Variants in CES1 observed in about 807,000 individuals in gnomAD.
CES1 encodes carboxylesterase 1.
Under a neutral mutation model 53.0 loss-of-function variants are expected in CES1, and 50 were observed. The ratio of observed to expected loss-of-function variants is 0.94; its 90% confidence interval spans 0.75 to 1.19. The LOEUF (loss-of-function observed/expected upper bound fraction) is 1.19. Ranked by LOEUF, CES1 falls within the 50% of genes most tolerant of loss-of-function variation. The pLI is 0.00. For synonymous variants in CES1, 202 were observed against 210.1 expected, an observed-to-expected ratio of 0.96 and a Z score of 0.33; for missense variants, 534 against 538.0, an observed-to-expected ratio of 0.99 and a Z score of 0.07.
chr16:55,821,455 G>C lies in CES1; in HGVS notation c.606C>G (p.Val202=). The change falls in exon 5 of 14, where the codon GTC becomes GTG. Residue 202 remains valine, a synonymous_variant. Transcript: ENST00000360526. ...HLDQVAALRW[V]QDNIASFGGN... is the part of the protein sequence containing the mutation. ...CTCCAAAGCTGGCAATGTTGTCCTG[G>C]ACCCAGCGCAGGGCAGCCACCTGGT... is the stretch of plus-strand genomic sequence containing the variant. 2 of 1,614,170 alleles carry C rather than the reference G, an allele frequency of 1.2e-6. No homozygotes were observed. The highest frequency in any genetic ancestry group is 1.1e-5 in the South Asian group (1 of 91,084).
chr16:55,819,668 T>G (rs2032092391), intron 6 of CES1, 29 bp from the exon 7 acceptor site: 1 of 1,557,742 alleles, frequency 6.4e-7, no homozygotes, highest in African/African-American at 1.4e-5. Flanking sequence ...ACAACAGAGT[T>G]CAAGAGCGAC....
chr16:55,811,332 G>A (rs1215502199), intron 9 of CES1, among the ~76,000 whole-genome samples: 2 of 152,034 alleles, frequency 1.3e-5, no homozygotes, highest in Non-Finnish European at 2.9e-5. Context: ...TCAGTGACAT[G>A]GAGATGCAAG....
intron 11 of CES1, among the ~76,000 whole-genome samples, chr16:55,809,093 C>CAAAAAAAAAAAAAAAAAAAAA (rs376932562): frequency 2.8e-5 from 2 of 72,068 alleles, no homozygotes; most frequent in African/African-American, 5.6e-5. Flanking sequence ...GTAGTCCTGG[C>CAAAAAAAAAAAAAAAAAAAAA]AAAAAAAAAA....
At chr16:55,817,758 C>CTGTG (rs370816548) in intron 7 of CES1, among the ~76,000 whole-genome samples, 1 of 145,692 alleles carries the variant, frequency 6.9e-6, no homozygotes, top group African/African-American at 2.7e-5. Flanking sequence ...GTGTGTGTGT[C>CTGTG]TGTGTGTGTG....
intron 7 of CES1, among the ~76,000 whole-genome samples, chr16:55,819,051 T>G (rs1488445408): frequency 6.6e-6 from 1 of 152,200 alleles, no homozygotes; most frequent in African/African-American, 2.4e-5. Context: ...ATAGACGGAT[T>G]AACGAATGGG....
chr16:55,829,970 G>A (rs755636328), intron 1 of CES1, among the ~76,000 whole-genome samples: 3 of 152,272 alleles, frequency 2.0e-5, no homozygotes, highest in Middle Eastern at 3.4e-3. Flanking sequence ...ACTTGATCTT[G>A]CTGCCCACCC....
Position 55,820,036 on chromosome 16 carries a change from C to T in CES1, c.801+336G>A, listed in dbSNP as rs182072693. On this transcript the variant is annotated intron_variant, in intron 6 of 13. Transcript: ENST00000360526. ...AGAGAGACACAAGACACCATCACTGCCCAACATGGCACCAGGCCCTGGCAC... is the reference window on the plus strand; with the variant it reads ...AGAGAGACACAAGACACCATCACTGTCCAACATGGCACCAGGCCCTGGCAC... The T allele has an allele frequency of 1.3e-4, 72 of 559,236 alleles. No individual in the cohort carries two copies. In the African/African-American group the frequency reaches 1.3e-3, roughly 10 times the overall value. The allele number at this position is 559,236 out of a possible 1,614,324, so 34.6% of individuals were successfully genotyped here. A position where few individuals can be genotyped will look rare whatever the true frequency, so the allele number is the denominator to read the frequency against.
intron 8 of CES1, 46 bp downstream of exon 8, chr16:55,816,878 G>A (rs779657827): frequency 6.3e-7 from 1 of 1,582,364 alleles, no homozygotes; most frequent in Admixed American, 1.7e-5. Flanking sequence ...GGAGCTTAAA[G>A]GTGCTAAGAC....
At chr16:55,832,857 C>T (rs1301817928) in intron 1 of CES1, 147 bp downstream of exon 1, 1 of 827,638 alleles carries the variant, frequency 1.2e-6, no homozygotes, top group African/African-American at 1.7e-5. Context: ...GGCTCAGCTG[C>T]TCCAAGTCCA....
At chr16:55,830,852 G>GCAAGCA (rs1329378896) in intron 1 of CES1, among the ~76,000 whole-genome samples, 13 of 126,356 alleles carry the variant, frequency 1.0e-4, no homozygotes, top group Middle Eastern at 4.4e-3. Context: ...GCAGGCAAGT[G>GCAAGCA]GGAGTGAGGG....
chr16:55,827,546 T>C (rs2032468092), intron 2 of CES1, among the ~76,000 whole-genome samples: 1 of 152,094 alleles, frequency 6.6e-6, no homozygotes, highest in African/African-American at 2.4e-5. Flanking sequence ...ATATACTCTT[T>C]GACTCAGAAA....
At chr16:55,814,045 A>G (rs1366418776) in intron 8 of CES1, among the ~76,000 whole-genome samples, 1 of 151,644 alleles carries the variant, frequency 6.6e-6, no homozygotes, top group African/African-American at 2.4e-5. Flanking sequence ...ATTTATAAAC[A>G]CAGAATCCAT....
chr16:55,826,415 A>G, intron 2 of CES1, 120 bp from the exon 3 acceptor site: 2 of 1,276,594 alleles, frequency 1.6e-6, no homozygotes, highest in Non-Finnish European at 2.3e-6. Context: ...TTACAGACTC[A>G]CGACATTGTA....
At chr16:55,817,934 C>T (rs1166616142) in intron 7 of CES1, among the ~76,000 whole-genome samples, 7 of 152,226 alleles carry the variant, frequency 4.6e-5, no homozygotes, top group Admixed American at 4.6e-4. Flanking sequence ...TCTGATGCCA[C>T]ATGCAGAATT....
At chr16:55,818,033 C>A (rs2032020938) in intron 7 of CES1, among the ~76,000 whole-genome samples, 1 of 152,180 alleles carries the variant, frequency 6.6e-6, no homozygotes. Context: ...TGAGCCAAGA[C>A]CTAAGCACCA....
At chr16:55,832,784 G>T (rs1222707300) in intron 1 of CES1, among the ~76,000 whole-genome samples, 1 of 152,248 alleles carries the variant, frequency 6.6e-6, no homozygotes, top group African/African-American at 2.4e-5. Flanking sequence ...ATTTGGGCGA[G>T]CAGTACAGGG....
intron 8 of CES1, 96 bp downstream of exon 8, chr16:55,816,828 A>G: frequency 1.4e-6 from 2 of 1,407,664 alleles, no homozygotes; most frequent in Non-Finnish European, 2.0e-6. Flanking sequence ...AGGAGTTACT[A>G]TAATTACCCA....
intron 4 of CES1, among the ~76,000 whole-genome samples, chr16:55,823,095 C>T (rs1404130800): frequency 3.3e-5 from 5 of 152,066 alleles, no homozygotes; most frequent in African/African-American, 7.2e-5. Flanking sequence ...CCACCATCTG[C>T]AGCCCCCATT....
At chr16:55,819,506 G>T (rs574413902) in intron 7 of CES1, 29 bp downstream of exon 7, 48 of 1,525,398 alleles carry the variant, frequency 3.1e-5, no homozygotes, top group East Asian at 4.5e-5. Context: ...AAGTTTACAG[G>T]GTTTGGGCTA....
Sources: allele counts gnomAD v4.1 joint callset (sites outside exome capture counted in the v4.1 genomes callset), GRCh38; gene constraint gnomAD v4.1.1; transcripts MANE v1.5; gene names NCBI Gene and HGNC (gene_info 2026-07-23, HGNC 2026-07-21).